Variants in PACSIN1 observed in about 807,000 individuals in gnomAD.
The protein encoded by PACSIN1 is protein kinase C and casein kinase substrate in neurons protein 1.
In PACSIN1, 15 loss-of-function variants were observed where a neutral mutation model predicts 59.5. The observed-to-expected ratio is 0.25, with a 90% CI of 0.17 to 0.39. PACSIN1 has a LOEUF of 0.39. Among genes scored for constraint, PACSIN1 ranks in the 10% least tolerant of loss-of-function variants. PACSIN1 has a pLI of 1.00. For missense variants in PACSIN1, 420 were observed against 580.2 expected (o/e 0.72, Z 2.84); for synonymous variants, 210 against 220.6 (o/e 0.95, Z 0.42).
intron 1 of PACSIN1, among the ~76,000 whole-genome samples, chr6:34,479,249 T>TA (rs151070233): frequency 0.09 from 13,663 of 151,410 alleles, 688 homozygotes; most frequent in African/African-American, 0.12. Flanking sequence ...ATCATGTAGG[T>TA]AAAAAAAAAT....
chr6:34,527,090 T>C (rs1328562847), intron 2 of PACSIN1, among the ~76,000 whole-genome samples: 1 of 151,290 alleles, frequency 6.6e-6, no homozygotes, highest in Non-Finnish European at 1.5e-5. Context: ...CATGTTTAAA[T>C]TGGGGTGAGG....
Position 34,516,561 on chromosome 6 carries a change from C to T in PACSIN1, c.-63-9682C>T. Among the ~76,000 whole-genome samples, 1 of 152,210 alleles carries T rather than the reference C, an allele frequency of 6.6e-6. No homozygotes were observed. The highest frequency in any genetic ancestry group is 1.9e-4 in the East Asian group (1 of 5,176). ...TCAGTTGCCCGTCAGCGGCCGCCCC[C>T]ACCTCCACTGGAGCAGGGGCTGGTG... On this transcript the variant is annotated intron_variant, in intron 1 of 9. Coordinates refer to ENST00000244458, the MANE Select transcript of PACSIN1 (RefSeq NM_020804.5). The surrounding 1 kb of genome is among the most constrained non-coding windows in gnomAD (Gnocchi z 5.4).
At chr6:34,512,036 T>C (rs1254238151) in intron 1 of PACSIN1, among the ~76,000 whole-genome samples, 1 of 151,844 alleles carries the variant, frequency 6.6e-6, no homozygotes, top group East Asian at 1.9e-4. Flanking sequence ...GCATGGAGTG[T>C]GTGTGTGTGT....
At chr6:34,496,953 T>TC (rs1384037543) in intron 1 of PACSIN1, among the ~76,000 whole-genome samples, 2 of 146,324 alleles carry the variant, frequency 1.4e-5, no homozygotes, top group African/African-American at 2.5e-5. Context: ...TTTTTTTTTT[T>TC]TTTTTTTTGA....
In PACSIN1 at chr6:34,530,192, G is replaced by A; in HGVS notation, c.789-51G>A. 6.4e-7 allele frequency: 1 copy of A among 1,564,240 alleles called. No homozygotes were observed. The highest frequency in any genetic ancestry group is 1.3e-5 in the African/African-American group (1 of 74,146). On this transcript the variant is annotated intron_variant, in intron 6 of 9. Coordinates refer to ENST00000244458, the MANE Select transcript of PACSIN1 (RefSeq NM_020804.5). This position sits in a 1 kb window ranked among gnomAD's most constrained non-coding sequence, Gnocchi z 4.4. Reference sequence around the variant, plus strand: ...TCTGGCCTCTCACCAAGGTTGAGGAGGGGCCATGTTGAATCTGTGCCCTCC... The same window carrying A: ...TCTGGCCTCTCACCAAGGTTGAGGAAGGGCCATGTTGAATCTGTGCCCTCC...
At chr6:34,513,593 C>T (rs912837122) in intron 1 of PACSIN1, among the ~76,000 whole-genome samples, 7 of 152,124 alleles carry the variant, frequency 4.6e-5, no homozygotes, top group Non-Finnish European at 1.0e-4. Context: ...TGGAATTCTC[C>T]TCTCTGGGAG....
In PACSIN1 at chr6:34,528,632, A is replaced by C; in HGVS notation, c.221-10A>C. The C allele has an allele frequency of 6.2e-7, 1 of 1,610,166 alleles. No homozygotes were observed. The highest frequency in any genetic ancestry group is 8.5e-7 in the Non-Finnish European group (1 of 1,176,804). On this transcript the variant is annotated splice_polypyrimidine_tract_variant and intron_variant, in intron 3 of 9. Coordinates refer to ENST00000244458, the MANE Select transcript of PACSIN1 (RefSeq NM_020804.5). Reference sequence around the variant, plus strand: ...AATGAGGTTCTTGTGACCTATTGCCATTCCCTCAGGCCCACAGTATGGCAG... The same window carrying C: ...AATGAGGTTCTTGTGACCTATTGCCCTTCCCTCAGGCCCACAGTATGGCAG...
At position 34,530,174 on chromosome 6, in the gene PACSIN1, T is replaced by G. The variant is rs1202270344; in HGVS notation, c.789-69T>G. 1.3e-6 allele frequency: 2 copies of G among 1,528,062 alleles called. No individual in the cohort carries two copies. Among genetic ancestry groups the G allele is most frequent in the Non-Finnish European group, 1.8e-6 (2 of 1,132,280 alleles). The allele number at this position is 1,528,062 out of a possible 1,614,324, so 94.7% of individuals were successfully genotyped here. ...CTGCTTCCCTGAGTGGACTCTGGCC[T>G]CTCACCAAGGTTGAGGAGGGGCCAT... On this transcript the variant is annotated intron_variant, in intron 6 of 9. Coordinates refer to ENST00000244458, the MANE Select transcript of PACSIN1 (RefSeq NM_020804.5). This position sits in a 1 kb window ranked among gnomAD's most constrained non-coding sequence, Gnocchi z 4.4.
rs115745737 is a variant in PACSIN1 at position 34,521,523 on chromosome 6, T to C, written c.-63-4720T>C. Among the ~76,000 whole-genome samples the C allele has an allele frequency of 0.014, 2,150 of 152,268 alleles. 36 individuals are homozygous for C. The highest frequency in any genetic ancestry group is 0.044 in the African/African-American group (1,815 of 41,534). On this transcript the variant is annotated intron_variant, in intron 1 of 9. Transcript: ENST00000244458. This position sits in a 1 kb window ranked among gnomAD's most constrained non-coding sequence, Gnocchi z 4.3. ...CTCCACGCTGGGGCTCCTTTGTCACTGAGGCCGCCATTACAGACTTGGCCC... is the reference window on the plus strand; with the variant it reads ...CTCCACGCTGGGGCTCCTTTGTCACCGAGGCCGCCATTACAGACTTGGCCC...
Position 34,530,691 on chromosome 6 carries a change from A to C in PACSIN1, c.1037+104A>C. 1.7e-6 allele frequency: 2 copies of C among 1,191,652 alleles called. No individual in the cohort carries two copies. The highest frequency in any genetic ancestry group is 4.2e-5 in the South Asian group (2 of 48,142). 73.8% of individuals were successfully genotyped at this position (1,191,652 alleles called of 1,614,324 possible). On this transcript the variant is annotated intron_variant, in intron 8 of 9. Coordinates refer to ENST00000244458, the MANE Select transcript of PACSIN1 (RefSeq NM_020804.5). The surrounding 1 kb of genome is among the most constrained non-coding windows in gnomAD (Gnocchi z 4.4). ...AGAAATGGTCTAGATCATAGCAACT[A>C]TGTCTCCTCTCTAAAAGATAGTGGT... is the stretch of plus-strand genomic sequence containing the variant.
rs1183507369 is a variant in PACSIN1 at position 34,515,257 on chromosome 6, T to C, written c.-63-10986T>C. Among the ~76,000 whole-genome samples the C allele has an allele frequency of 6.6e-6, 1 of 152,164 alleles. No homozygotes were observed. Among genetic ancestry groups the C allele is most frequent in the African/African-American group, 2.4e-5 (1 of 41,438 alleles). On this transcript the variant is annotated intron_variant, in intron 1 of 9. Transcript: ENST00000244458. This position sits in a 1 kb window ranked among gnomAD's most constrained non-coding sequence, Gnocchi z 4.4. The stretch of plus-strand genomic sequence containing the variant: ...AGGTCTTGTCAGAACCGTCAGAACC[T>C]TGATCCTCCTCATCAGGGGGACTGT...
intron 1 of PACSIN1, among the ~76,000 whole-genome samples, chr6:34,478,588 G>C (rs773436502): frequency 3.3e-5 from 5 of 150,780 alleles, no homozygotes; most frequent in Non-Finnish European, 7.4e-5. Flanking sequence ...GGTCAGGCTG[G>C]TCTCGAACTC....
At chr6:34,469,949 A>C (rs1441204653) in intron 1 of PACSIN1, among the ~76,000 whole-genome samples, 1 of 152,126 alleles carries the variant, frequency 6.6e-6, no homozygotes, top group East Asian at 1.9e-4. Context: ...ATGTACTGGA[A>C]AGCCAAATGA....
intron 1 of PACSIN1, among the ~76,000 whole-genome samples, chr6:34,468,178 C>A (rs1766524382): frequency 6.6e-6 from 1 of 152,196 alleles, no homozygotes; most frequent in Non-Finnish European, 1.5e-5. Flanking sequence ...TCTCAGGGGT[C>A]TCATGACCCT....
intron 1 of PACSIN1, among the ~76,000 whole-genome samples, chr6:34,471,236 C>T (rs1766567788): frequency 6.6e-6 from 1 of 152,208 alleles, no homozygotes; most frequent in South Asian, 2.1e-4. Context: ...GCATGAGCCA[C>T]CGCGCCTGGC....
chr6:34,478,335 A>G (rs1444926145), intron 1 of PACSIN1, among the ~76,000 whole-genome samples: 1 of 147,218 alleles, frequency 6.8e-6, no homozygotes, highest in East Asian at 2.0e-4. Context: ...CTGGGATTAC[A>G]GGCATGAGCC....
At chr6:34,472,750 G>C (rs74619332) in intron 1 of PACSIN1, among the ~76,000 whole-genome samples, 2,158 of 152,250 alleles carry the variant, frequency 0.014, 34 homozygotes, top group African/African-American at 0.043. Context: ...GATGGGAAAG[G>C]GGGTAAGGTA....
Position 34,531,549 on chromosome 6 carries a change from G to C in PACSIN1, c.1038-51G>C, listed in dbSNP as rs554293054. On this transcript the variant is annotated intron_variant, in intron 8 of 9. Coordinates refer to ENST00000244458, the MANE Select transcript of PACSIN1 (RefSeq NM_020804.5). The surrounding 1 kb of genome is among the most constrained non-coding windows in gnomAD (Gnocchi z 4.4). ...TGATTAGGAGGAGCGGTTAGCCCTCGGGATGCGGTACGGGGAGACATTGAA... is the reference window on the plus strand; with the variant it reads ...TGATTAGGAGGAGCGGTTAGCCCTCCGGATGCGGTACGGGGAGACATTGAA... The C allele has an allele frequency of 6.3e-7, 1 of 1,578,538 alleles. No homozygotes were observed. The highest frequency in any genetic ancestry group is 1.3e-5 in the African/African-American group (1 of 74,138).
intron 3 of PACSIN1, 73 bp downstream of exon 3, chr6:34,527,561 C>G (rs1273614128): frequency 4.4e-6 from 6 of 1,377,412 alleles, no homozygotes; most frequent in Non-Finnish European, 5.8e-6. Context: ...CCTAGGAGCC[C>G]CGGCTACTTG....
Sources: allele counts gnomAD v4.1 joint callset (sites outside exome capture counted in the v4.1 genomes callset), GRCh38; gene constraint gnomAD v4.1.1; non-coding constraint Gnocchi (gnomAD v3.1); transcripts MANE v1.5; gene names NCBI Gene and HGNC (gene_info 2026-07-23, HGNC 2026-07-21).